Variants in FNDC1 observed in about 807,000 individuals in gnomAD.
FNDC1 encodes the protein fibronectin type III domain-containing protein 1.
A neutral mutation model predicts 168.0 loss-of-function variants in FNDC1; 96 were observed. The ratio of observed to expected loss-of-function variants is 0.57; its 90% CI spans 0.48 to 0.68. The LOEUF (loss-of-function observed/expected upper bound fraction) is 0.68, where lower values mean the gene tolerates loss of function less well. Among genes scored for constraint, FNDC1 ranks in the 30% least tolerant of loss-of-function variants. FNDC1 has a pLI of 0.00. For synonymous variants in FNDC1, 1,099 were observed against 1,025.9 expected, an observed-to-expected ratio of 1.07 and a Z score of -1.36; for missense variants, 2,587 against 2,482.1, an observed-to-expected ratio of 1.04 and a Z score of -0.90.
intron 20 of FNDC1, 108 bp from the exon 21 acceptor site, chr6:159,265,976 C>T (rs2115031950): frequency 1.8e-6 from 2 of 1,127,740 alleles, no homozygotes; most frequent in African/African-American, 1.6e-5. Flanking sequence ...ACAAAAAGCC[C>T]TGTAAGGAAA....
At position 159,239,653 on chromosome 6, in the gene FNDC1, C is replaced by T; in HGVS notation, c.4317C>T (p.Val1439=). Residue 1439 remains valine, a synonymous_variant, in exon 14 of 23, where the codon GTC becomes GTT. Coordinates refer to ENST00000297267, the MANE Select transcript of FNDC1 (RefSeq NM_032532.3). ...LGGKPLVGLE[V]IKKTTHPPTT... ...GAAAGCCGCTGGTGGGCTTGGAGGTCATCAAAAAAACCACCCATCCCCCTA... is the reference window on the plus strand; with the variant it reads ...GAAAGCCGCTGGTGGGCTTGGAGGTTATCAAAAAAACCACCCATCCCCCTA... The T allele has an allele frequency of 6.4e-7, 1 of 1,552,780 alleles. No individual in the cohort carries two copies. Among genetic ancestry groups the T allele is most frequent in the Non-Finnish European group, 8.7e-7 (1 of 1,147,506 alleles).
At chr6:159,198,882 C>T (rs1003374515) in intron 2 of FNDC1, among the ~76,000 whole-genome samples, 1 of 152,246 alleles carries the variant, frequency 6.6e-6, no homozygotes, top group Non-Finnish European at 1.5e-5. Flanking sequence ...TCCCCATTAG[C>T]CTGGCAGGTC....
At chr6:159,227,108 A>T (rs1428904785) in intron 9 of FNDC1, among the ~76,000 whole-genome samples, 1 of 152,258 alleles carries the variant, frequency 6.6e-6, no homozygotes, top group Admixed American at 6.5e-5. Flanking sequence ...AAACCTAGAT[A>T]TTTTAAAGAA....
intron 1 of FNDC1, among the ~76,000 whole-genome samples, chr6:159,174,248 T>C (rs1268127113): frequency 6.6e-6 from 1 of 152,266 alleles, no homozygotes; most frequent in Non-Finnish European, 1.5e-5. Context: ...CAGTGGTGGA[T>C]ACTGTTTCAT....
chr6:159,239,321 G>C (rs1044122876), intron 13 of FNDC1, among the ~76,000 whole-genome samples, 196 bp from the exon 14 acceptor site: 1 of 152,162 alleles, frequency 6.6e-6, no homozygotes, highest in Non-Finnish European at 1.5e-5. Flanking sequence ...GCAAAGGAAA[G>C]TATTTCTTCC....
intron 2 of FNDC1, among the ~76,000 whole-genome samples, chr6:159,198,716 A>G (rs551243703): frequency 6.6e-6 from 1 of 152,366 alleles, no homozygotes; most frequent in South Asian, 2.1e-4. Context: ...TCACTAAAAA[A>G]CAAATAGTAT....
rs748027780 is a variant in FNDC1, at chr6:159,233,747, TACG to T, written c.3244_3246del (p.Asp1082del). 4 of 1,548,768 alleles carry T rather than the reference TACG, an allele frequency of 2.6e-6. No individual in the cohort carries two copies. Among genetic ancestry groups the T allele is most frequent in the South Asian group, 1.2e-5 (1 of 83,844 alleles). On this transcript the variant is annotated inframe_deletion, in exon 11 of 23. Coordinates refer to ENST00000297267, the MANE Select transcript of FNDC1 (RefSeq NM_032532.3). The surrounding 1 kb of genome is among the most constrained non-coding windows in gnomAD (Gnocchi z 4.6). ...CCAGGACGAGGATGCCCAGGGCAGC[TACG>T]ACGACGACAGCACAGAAGTCGAGGC...
At position 159,233,164 on chromosome 6, in the gene FNDC1, G is replaced by T. The variant is rs755515252; in HGVS notation, c.2652G>T (p.Pro884=). The T allele has an allele frequency of 3.0e-5, 49 of 1,607,844 alleles. No individual in the cohort carries two copies. Among genetic ancestry groups the T allele is most frequent in the Non-Finnish European group, 3.6e-5 (42 of 1,177,398 alleles). Residue 884 remains proline, a synonymous_variant, in exon 11 of 23, where the codon CCG becomes CCT. Transcript: ENST00000297267. This position sits in a 1 kb window ranked among gnomAD's most constrained non-coding sequence, Gnocchi z 4.6. ...ATGGAGACGAGGAGGATGAGAAGCCGCTTCCTGCCACCGTTGTCAATGACC... is the reference window on the plus strand; with the variant it reads ...ATGGAGACGAGGAGGATGAGAAGCCTCTTCCTGCCACCGTTGTCAATGACC... ...GIHGDEEDEK[P]LPATVVNDHV... is the part of the protein sequence containing the mutation.
intron 1 of FNDC1, among the ~76,000 whole-genome samples, chr6:159,194,375 T>C (rs1311677587): frequency 6.6e-6 from 1 of 152,238 alleles, no homozygotes; most frequent in Non-Finnish European, 1.5e-5. Context: ...ATAGATAGCT[T>C]TAAAGAATGT....
intron 4 of FNDC1, among the ~76,000 whole-genome samples, chr6:159,212,869 A>T (rs559084055): frequency 2.0e-5 from 3 of 152,320 alleles, no homozygotes; most frequent in African/African-American, 7.2e-5. Context: ...GAGGAGCTTA[A>T]ATGAAAGGGG....
Position 159,266,089 on chromosome 6 carries a change from G to A in FNDC1, c.5290G>A (p.Glu1764Lys), listed in dbSNP as rs867597620. 3 of 1,613,762 alleles carry A rather than the reference G, an allele frequency of 1.9e-6. No homozygotes were observed. Among genetic ancestry groups the A allele is most frequent in the Non-Finnish European group, 2.5e-6 (3 of 1,179,758 alleles). The change falls in exon 21 of 23, where the codon GAG (glutamate) becomes AAG (lysine). Residue 1764 changes from glutamate to lysine, a missense_variant. Coordinates refer to ENST00000297267, the MANE Select transcript of FNDC1 (RefSeq NM_032532.3). ...PLLVVRPPGG[E>K]PIWIPFAFKH... ...GTGTGTTTTGTGTTGTCAAGGCGGT[G>A]AGCCTATCTGGATCCCATTCGCTTT...
At chr6:159,185,068 G>GT (rs1554303772) in intron 1 of FNDC1, among the ~76,000 whole-genome samples, 1 of 37,226 alleles carries the variant, frequency 2.7e-5, no homozygotes, top group East Asian at 5.1e-3. Flanking sequence ...TATGGAGGGT[G>GT]GGGGGGGGGG....
intron 9 of FNDC1, among the ~76,000 whole-genome samples, chr6:159,227,220 TA>T (rs1319224313): frequency 6.6e-6 from 1 of 152,238 alleles, no homozygotes; most frequent in African/African-American, 2.4e-5. Context: ...TAAAAGCGTT[TA>T]AGAACCTCTC....
chr6:159,181,569 C>A lies in FNDC1; in HGVS notation c.109+11864C>A, dbSNP rs372485992. On this transcript the variant is annotated intron_variant, in intron 1 of 22. Transcript: ENST00000297267. ...GATAAATGTAGCAATATAGGATCAT[C>A]TTGGACTTTCTAATAAACTTCCGCT... Among the ~76,000 whole-genome samples the A allele has an allele frequency of 1.2e-4, 19 of 152,318 alleles. No individual in the cohort carries two copies. The East Asian group carries it at 2.1e-3, about 17-fold the overall frequency.
At chr6:159,216,478 G>A (rs1261064850) in intron 5 of FNDC1, among the ~76,000 whole-genome samples, 1 of 152,222 alleles carries the variant, frequency 6.6e-6, no homozygotes, top group East Asian at 1.9e-4. Context: ...AGCCTGGATA[G>A]CGGACATAGG....
At chr6:159,202,759 G>T (rs915028315) in intron 4 of FNDC1, among the ~76,000 whole-genome samples, 1 of 152,192 alleles carries the variant, frequency 6.6e-6, no homozygotes, top group African/African-American at 2.4e-5. Flanking sequence ...GGAGGTCTAG[G>T]TGTTAGAGAT....
chr6:159,247,035 C>T, intron 15 of FNDC1, 66 bp downstream of exon 15: 1 of 1,167,454 alleles, frequency 8.6e-7, no homozygotes, highest in South Asian at 1.2e-5. Flanking sequence ...CTGATTGTAA[C>T]TATTGAGTGG....
rs1356047511 is a variant in FNDC1 at position 159,238,639 on chromosome 6, TAGG to T, written c.4160_4162del (p.Gly1387del). 1.2e-5 allele frequency: 19 copies of T among 1,607,598 alleles called. No homozygotes were observed. Among genetic ancestry groups the T allele is most frequent in the Admixed American group, 5.1e-5 (3 of 59,300 alleles). ...CATGGAAATCCTCTTCGGATTAAAC[TAGG>T]AGGAGATGGTCGAACCATTGTAGGT... On this transcript the variant is annotated inframe_deletion, in exon 13 of 23. Transcript: ENST00000297267.
chr6:159,267,238 T>C (rs1195785246), intron 21 of FNDC1, among the ~76,000 whole-genome samples: 1 of 152,138 alleles, frequency 6.6e-6, no homozygotes, highest in Non-Finnish European at 1.5e-5. Flanking sequence ...CTCTGCTCTT[T>C]TCTTTCTCTT....
Sources: allele counts gnomAD v4.1 joint callset (sites outside exome capture counted in the v4.1 genomes callset), GRCh38; gene constraint gnomAD v4.1.1; non-coding constraint Gnocchi (gnomAD v3.1); transcripts MANE v1.5; gene names NCBI Gene and HGNC (gene_info 2026-07-23, HGNC 2026-07-21).